The following FARP2 variants were observed in gnomAD, a reference collection of about 807,000 sequenced individuals.
FARP2 encodes the protein FERM, ARH/RhoGEF and pleckstrin domain protein 2.
A neutral mutation model predicts 130.5 loss-of-function variants in FARP2; 111 were observed. The observed-to-expected ratio is 0.85, with a 90% CI of 0.73 to 1.00. The LOEUF is 1.00. FARP2 is among the 50% of genes least tolerant of loss of function. FARP2 has a pLI of 0.00. For missense variants in FARP2, 1,385 were observed against 1,346.3 expected (o/e 1.03, Z -0.45); for synonymous variants, 504 against 516.9 (o/e 0.98, Z 0.34).
intron 14 of FARP2, among the ~76,000 whole-genome samples, chr2:241,460,950 T>TCACA (rs1428389327): frequency 1.3e-5 from 2 of 152,154 alleles, no homozygotes; most frequent in Non-Finnish European, 2.9e-5. Context: ...TGCTATCCCT[T>TCACA]CACAGCTGGC....
chr2:241,484,155 C>T, intron 20 of FARP2, 87 bp from the exon 21 acceptor site: 1 of 1,585,268 alleles, frequency 6.3e-7, no homozygotes, highest in Non-Finnish European at 8.6e-7. Context: ...CTGATGTCCA[C>T]ATGATGAGCA....
chr2:241,387,696 G>A (rs1026974685), intron 2 of FARP2, among the ~76,000 whole-genome samples: 7 of 151,510 alleles, frequency 4.6e-5, no homozygotes, highest in African/African-American at 1.2e-4. Context: ...AGGAGGCTGA[G>A]GCAAGAGAAT....
chr2:241,477,076 G>A (rs1217696552), intron 19 of FARP2, among the ~76,000 whole-genome samples: 2 of 148,610 alleles, frequency 1.3e-5, no homozygotes, highest in Non-Finnish European at 3.0e-5. Flanking sequence ...GGCCTCTTGT[G>A]ACTCTTCTTT....
intron 1 of FARP2, among the ~76,000 whole-genome samples, chr2:241,367,503 C>G (rs1300420090): frequency 6.6e-6 from 1 of 152,024 alleles, no homozygotes; most frequent in Non-Finnish European, 1.5e-5. Context: ...GCCCCAGGGC[C>G]GAGGGATTGA....
chr2:241,463,025 T>G (rs2064066766), intron 15 of FARP2, among the ~76,000 whole-genome samples: 4 of 152,226 alleles, frequency 2.6e-5, no homozygotes. Context: ...GAGACTTGCT[T>G]GTATATATTT....
intron 2 of FARP2, 42 bp from the exon 3 acceptor site, chr2:241,403,786 G>T (rs773026622): frequency 7.0e-6 from 9 of 1,281,996 alleles, no homozygotes; most frequent in Non-Finnish European, 1.0e-5. Flanking sequence ...TTGCTGTTTA[G>T]TCTTTCAATC....
rs2065055745 is a variant in FARP2 at position 241,494,632 on chromosome 2, GCCC to G, written c.*508_*510del. 6.6e-6 allele frequency: 1 copy of G among 152,224 alleles called. No homozygotes were observed. Among genetic ancestry groups the G allele is most frequent in the Admixed American group, 6.5e-5 (1 of 15,292 alleles). The allele number at this position is 152,224 out of a possible 1,614,324, so 9.4% of individuals were successfully genotyped here. A position where few individuals can be genotyped will look rare whatever the true frequency, so the allele number is the denominator to read the frequency against. On this transcript the variant is annotated 3_prime_UTR_variant, in exon 27 of 27. Transcript: ENST00000264042. This position sits in a 1 kb window ranked among gnomAD's most constrained non-coding sequence, Gnocchi z 4.9. The stretch of plus-strand genomic sequence containing the variant: ...AACCAAGTGGCAGCCCCAGGGGCCT[GCCC>G]TGCAGGTCACAGCTAAACAAGTCTG...
At chr2:241,457,067 G>A (rs1046097082) in intron 14 of FARP2, 145 bp downstream of exon 14, 6 of 697,154 alleles carry the variant, frequency 8.6e-6, no homozygotes, top group Non-Finnish European at 1.4e-5. Context: ...CTCCTGAGCA[G>A]AGAGGAGGTA....
At chr2:241,373,926 A>G (rs2061478692) in intron 2 of FARP2, among the ~76,000 whole-genome samples, 1 of 151,922 alleles carries the variant, frequency 6.6e-6, no homozygotes, top group Non-Finnish European at 1.5e-5. Context: ...AAGTAACACT[A>G]TTTTTTAGAT....
chr2:241,490,669 C>A (rs60988810), intron 22 of FARP2, among the ~76,000 whole-genome samples: 32,479 of 152,052 alleles, frequency 0.21, 4,070 homozygotes, highest in East Asian at 0.57. Flanking sequence ...TCTGCAGCGC[C>A]CTGGCCAGCA....
intron 2 of FARP2, among the ~76,000 whole-genome samples, chr2:241,377,502 T>G (rs1256013210): frequency 6.6e-6 from 1 of 151,962 alleles, no homozygotes; most frequent in African/African-American, 2.4e-5. Flanking sequence ...CCACCGCGCC[T>G]GGCTAATTTT....
At chr2:241,462,268 T>G (rs1048496795) in intron 14 of FARP2, among the ~76,000 whole-genome samples, 1 of 152,240 alleles carries the variant, frequency 6.6e-6, no homozygotes, top group Non-Finnish European at 1.5e-5. Context: ...TAAAAAATGA[T>G]TTTATCACAA....
In FARP2 at chr2:241,491,167, A is replaced by C. The variant is rs758557716; in HGVS notation, c.2611A>C (p.Thr871Pro). 1.2e-6 allele frequency: 2 copies of C among 1,612,074 alleles called. No homozygotes were observed. The highest frequency in any genetic ancestry group is 2.7e-5 in the African/African-American group (2 of 74,950). ...TGCACTGCCAGGCCGCACTGTGTGC[A>C]CTCGTCCCCCCAGTGAGTGCTGGCC... is the stretch of plus-strand genomic sequence containing the variant. The part of the protein sequence containing the change: ...APALPGRTVC[T>P]RPPRSPNEVS... Residue 871 changes from threonine to proline, a missense_variant, in exon 23 of 27, where the codon ACT becomes CCT. By Grantham distance (38) the Thr-to-Pro change is conservative. Transcript: ENST00000264042.
intron 13 of FARP2, chr2:241,444,018 G>T (rs930058405): frequency 1.3e-5 from 2 of 152,248 alleles, no homozygotes; most frequent in African/African-American, 4.8e-5. Context: ...ATGCCAGCAG[G>T]GGTTTTGTGG....
At chr2:241,484,666 C>T (rs1410347821) in intron 21 of FARP2, among the ~76,000 whole-genome samples, 2 of 152,240 alleles carry the variant, frequency 1.3e-5, no homozygotes, top group Admixed American at 6.5e-5. Flanking sequence ...CAGCATCTTC[C>T]TCAGGCTGTG....
intron 14 of FARP2, among the ~76,000 whole-genome samples, chr2:241,460,447 C>CA (rs71406460): frequency 1.4e-5 from 2 of 145,844 alleles, no homozygotes; most frequent in Admixed American, 6.8e-5. Flanking sequence ...CTTGGCTAAC[C>CA]TTTTTTTTTT....
chr2:241,404,059 C>A, intron 3 of FARP2, 127 bp downstream of exon 3: 1 of 616,252 alleles, frequency 1.6e-6, no homozygotes, highest in Non-Finnish European at 2.9e-6. Context: ...TTCTTGTTAG[C>A]TGTAGAGAAT....
At chr2:241,395,533 GC>G (rs1228892996) in intron 2 of FARP2, 1 of 152,152 alleles carries the variant, frequency 6.6e-6, no homozygotes, top group African/African-American at 2.4e-5. Context: ...CTCAAGAATG[GC>G]CCAGATCCCT....
intron 8 of FARP2, among the ~76,000 whole-genome samples, chr2:241,422,846 C>A (rs192087071): frequency 6.6e-6 from 1 of 152,012 alleles, no homozygotes; most frequent in East Asian, 1.9e-4. Flanking sequence ...GCAGAATAGG[C>A]CAAGCAGAGG....
Sources: allele counts gnomAD v4.1 joint callset (sites outside exome capture counted in the v4.1 genomes callset), GRCh38; gene constraint gnomAD v4.1.1; non-coding constraint Gnocchi (gnomAD v3.1); transcripts MANE v1.5; gene names NCBI Gene and HGNC (gene_info 2026-07-23, HGNC 2026-07-21).